The following VPS53 variants were observed in gnomAD, a reference collection of about 807,000 sequenced individuals.
VPS53 encodes VPS53 subunit of GARP complex.
In VPS53, 70 loss-of-function variants were observed where a neutral mutation model predicts 107.0. The observed-to-expected ratio is 0.65, with a 90% CI of 0.54 to 0.80. VPS53 has a LOEUF of 0.80. VPS53 is among the 30% of genes least tolerant of loss of function. The pLI is 0.00. For synonymous variants in VPS53, 409 were observed against 393.3 expected, an observed-to-expected ratio of 1.04 and a Z score of -0.47; for missense variants, 917 against 1,049.4, an observed-to-expected ratio of 0.87 and a Z score of 1.74.
At chr17:590,260 G>A (rs1440499055) in intron 12 of VPS53, among the ~76,000 whole-genome samples, 1 of 152,168 alleles carries the variant, frequency 6.6e-6, no homozygotes, top group Non-Finnish European at 1.5e-5. Context: ...TTGCTTATCA[G>A]CTTAAGGAGA....
At chr17:573,767 C>G (rs919122283) in intron 13 of VPS53, among the ~76,000 whole-genome samples, 1 of 152,196 alleles carries the variant, frequency 6.6e-6, no homozygotes, top group Non-Finnish European at 1.5e-5. Flanking sequence ...CTAGGTATGT[C>G]TGGGATCAGG....
chr17:682,935 C>T (rs145863565), intron 4 of VPS53, among the ~76,000 whole-genome samples: 101 of 151,720 alleles, frequency 6.7e-4, no homozygotes, highest in Middle Eastern at 3.4e-3. Flanking sequence ...TTTACCTGCA[C>T]GAACAGATGA....
chr17:604,724 G>T (rs906455086), intron 11 of VPS53, among the ~76,000 whole-genome samples: 1 of 152,206 alleles, frequency 6.6e-6, no homozygotes, highest in African/African-American at 2.4e-5. Flanking sequence ...AATTACAGGC[G>T]TGAGCCACCA....
chr17:648,297 C>T (rs943233457), intron 7 of VPS53, among the ~76,000 whole-genome samples: 3 of 152,208 alleles, frequency 2.0e-5, no homozygotes, highest in Admixed American at 6.5e-5. Flanking sequence ...CCTGTCATCC[C>T]AGCACTTTGG....
At chr17:713,350 G>C (rs961421369) in intron 1 of VPS53, among the ~76,000 whole-genome samples, 3 of 152,146 alleles carry the variant, frequency 2.0e-5, no homozygotes, top group Non-Finnish European at 4.4e-5. Context: ...ATACCCTGCA[G>C]TATTAGAAAT....
At chr17:528,426 C>G (rs994902786) in intron 19 of VPS53, among the ~76,000 whole-genome samples, 1 of 152,076 alleles carries the variant, frequency 6.6e-6, no homozygotes, top group African/African-American at 2.4e-5. Context: ...TGAATGGGTA[C>G]TTTATTCCTT....
intron 15 of VPS53, among the ~76,000 whole-genome samples, chr17:559,810 T>C (rs991593832): frequency 1.3e-5 from 2 of 152,252 alleles, no homozygotes; most frequent in Non-Finnish European, 2.9e-5. Context: ...GGACTTCTAA[T>C]TCCATGTTTA....
At chr17:662,280 G>T (rs914272561) in intron 4 of VPS53, among the ~76,000 whole-genome samples, 1 of 152,182 alleles carries the variant, frequency 6.6e-6, no homozygotes, top group African/African-American at 2.4e-5. Context: ...TCTGGACTTG[G>T]AAGTTCCAGA....
chr17:528,329 C>T (rs1469874761), intron 19 of VPS53, among the ~76,000 whole-genome samples: 1 of 152,196 alleles, frequency 6.6e-6, no homozygotes, highest in Non-Finnish European at 1.5e-5. Flanking sequence ...CTGGACATTT[C>T]ACAGAAGCAG....
chr17:698,652 G>C lies in VPS53; in HGVS notation c.218+679C>G, dbSNP rs78142767. On this transcript the variant is annotated intron_variant, in intron 3 of 21. Transcript: ENST00000437048. ...CAGGAGTTCGAGGCTGCAGTGAGCT[G>C]TAACTGCACCAGTACGCTCCAGCCT... Among the ~76,000 whole-genome samples the C allele has an allele frequency of 3.5e-3, 530 of 151,142 alleles. 5 individuals are homozygous for C. Among genetic ancestry groups the C allele is most frequent in the African/African-American group, 0.012 (508 of 41,056 alleles).
chr17:551,092 G>A (rs1911776312), intron 17 of VPS53, among the ~76,000 whole-genome samples: 1 of 151,512 alleles, frequency 6.6e-6, no homozygotes, highest in Non-Finnish European at 1.5e-5. Flanking sequence ...TGGCTGATTG[G>A]TTTTTAATTA....
intron 17 of VPS53, among the ~76,000 whole-genome samples, chr17:544,051 A>G (rs55973169): frequency 0.023 from 2,586 of 114,746 alleles, 134 homozygotes; most frequent in African/African-American, 0.14. Flanking sequence ...GGAAGGGAGG[A>G]AGGAAGGAAA....
At chr17:664,076 T>A (rs1338828062) in intron 4 of VPS53, among the ~76,000 whole-genome samples, 2 of 151,570 alleles carry the variant, frequency 1.3e-5, no homozygotes, top group Non-Finnish European at 2.9e-5. Flanking sequence ...AGATTTGGAG[T>A]AAGATGATTT....
Position 546,327 on chromosome 17 carries a change from TCTCACACA to T in VPS53, c.1866+5537_1866+5544del, listed in dbSNP as rs1311029084. The stretch of plus-strand genomic sequence containing the variant: ...GGATCAGGCAATGGTATCTTAGATA[TCTCACACA>T]CACACACACACACACACACACACAC... On this transcript the variant is annotated intron_variant, in intron 17 of 21. Transcript: ENST00000437048. 5.4e-5 allele frequency among the ~76,000 whole-genome samples: 5 copies of T among 93,118 alleles called. No individual in the cohort carries two copies. The Admixed American group carries it at 6.4e-4, about 12-fold the overall frequency. 61.1% of individuals were successfully genotyped at this position (93,118 alleles called of 152,430 possible).
At chr17:694,705 A>G (rs1289885940) in intron 4 of VPS53, among the ~76,000 whole-genome samples, 4 of 152,202 alleles carry the variant, frequency 2.6e-5, no homozygotes, top group Admixed American at 6.5e-5. Flanking sequence ...TTGTTTATTT[A>G]TAATTAATAA....
At position 685,927 on chromosome 17, in the gene VPS53, G is replaced by A. The variant is rs147373189; in HGVS notation, c.285+11491C>T. ...CTTGGAAGTCTGAGGTGGGAGGATC[G>A]TTTGAGGCCAGGAGTTTGAGACAGT... On this transcript the variant is annotated intron_variant, in intron 4 of 21. Transcript: ENST00000437048. 1.1e-3 allele frequency among the ~76,000 whole-genome samples: 161 copies of A among 151,956 alleles called. 1 individual carries two copies. The highest frequency in any genetic ancestry group is 1.6e-4 in the Non-Finnish European group (11 of 67,960).
chr17:562,777 T>C, intron 13 of VPS53, 32 bp from the exon 14 acceptor site: 1 of 1,586,152 alleles, frequency 6.3e-7, no homozygotes, highest in Non-Finnish European at 8.6e-7. Flanking sequence ...AAAAATGTTA[T>C]TTTACTTCAA....
At position 512,441 on chromosome 17, in the gene VPS53, GGCT is replaced by G. The variant is rs1424774244; in HGVS notation, c.*6684_*6686del. 4 of 152,238 alleles carry G rather than the reference GGCT, an allele frequency of 2.6e-5. No homozygotes were observed. The highest frequency in any genetic ancestry group is 9.6e-5 in the African/African-American group (4 of 41,462). The allele number at this position is 152,238 out of a possible 1,614,324, so 9.4% of individuals were successfully genotyped here. On this transcript the variant is annotated 3_prime_UTR_variant, in exon 22 of 22. Transcript: ENST00000437048. ...TCTTCTGTGGATGCTTCCAATCCCA[GGCT>G]GCTTTCATTTCTGATGGACACGTCC...
chr17:631,732 GA>G (rs980191093), intron 7 of VPS53, 104 bp from the exon 8 acceptor site: 1 of 1,015,700 alleles, frequency 9.8e-7, no homozygotes, highest in Non-Finnish European at 1.5e-6. Flanking sequence ...GAAAGGCCAG[GA>G]AGGGTACAGA....
Sources: allele counts gnomAD v4.1 joint callset (sites outside exome capture counted in the v4.1 genomes callset), GRCh38; gene constraint gnomAD v4.1.1; transcripts MANE v1.5; gene names NCBI Gene and HGNC (gene_info 2026-07-23, HGNC 2026-07-21).